Variants in SMYD5 observed in about 807,000 individuals in gnomAD.
SMYD5 encodes SMYD family member 5.
A neutral mutation model predicts 57.4 loss-of-function variants in SMYD5; 35 were observed. The observed-to-expected ratio is 0.61, with a 90% confidence interval of 0.47 to 0.81. SMYD5 has a LOEUF of 0.81. Among genes scored for constraint, SMYD5 ranks in the 30% least tolerant of loss-of-function variants. The pLI is 0.00. For missense variants in SMYD5, 471 were observed against 527.9 expected, an observed-to-expected ratio of 0.89 and a Z score of 1.06; for synonymous variants, 198 against 189.7, an observed-to-expected ratio of 1.04 and a Z score of -0.36.
intron 6 of SMYD5, 114 bp from the exon 7 acceptor site, chr2:73,222,641 T>C: frequency 2.5e-6 from 2 of 791,226 alleles, no homozygotes; most frequent in East Asian, 2.7e-5. Flanking sequence ...TACGGAAAGC[T>C]CAGTCTACAG....
At position 73,214,305 on chromosome 2, in the gene SMYD5, G is replaced by A; in HGVS notation, c.39G>A (p.Val13=). ...ASMCDVFSFC[V]GVAGRARVSV... ...TGTGCGACGTGTTCTCCTTCTGCGT[G>A]GGCGTGGCGGGCCGCGCGCGGGTCT... The change falls in exon 1 of 13, where the codon GTG becomes GTA. Residue 13 remains valine (V), a synonymous_variant. Coordinates refer to ENST00000389501, the MANE Select transcript of SMYD5 (RefSeq NM_006062.3). 1 of 1,613,708 alleles carries A rather than the reference G, an allele frequency of 6.2e-7. No individual in the cohort carries two copies. The highest frequency in any genetic ancestry group is 8.5e-7 in the Non-Finnish European group (1 of 1,179,866).
At chr2:73,221,090 C>A in intron 4 of SMYD5, 75 bp from the exon 5 acceptor site, 1 of 1,302,906 alleles carries the variant, frequency 7.7e-7, no homozygotes, top group Non-Finnish European at 1.1e-6. Context: ...TTCTCTGTAC[C>A]AGTCAGACTC....
At chr2:73,221,789 G>GGT (rs1686401498) in intron 5 of SMYD5, 37 bp from the exon 6 acceptor site, 1 of 1,425,996 alleles carries the variant, frequency 7.0e-7, no homozygotes, top group Admixed American at 1.7e-5. Context: ...TGAGAAGGTG[G>GGT]GTATCTGTGA....
intron 1 of SMYD5, among the ~76,000 whole-genome samples, chr2:73,217,124 G>A (rs1281512659): frequency 6.6e-6 from 1 of 152,012 alleles, no homozygotes; most frequent in Non-Finnish European, 1.5e-5. Context: ...GCTAATTTTT[G>A]TATTTTTAGT....
chr2:73,222,533 A>G (rs944845204), intron 6 of SMYD5, among the ~76,000 whole-genome samples: 1 of 152,210 alleles, frequency 6.6e-6, no homozygotes, highest in African/African-American at 2.4e-5. Flanking sequence ...CAAGTGCTGG[A>G]AAATGGAGAG....
At chr2:73,218,427 T>G (rs1686327894) in intron 1 of SMYD5, among the ~76,000 whole-genome samples, 1 of 152,144 alleles carries the variant, frequency 6.6e-6, no homozygotes, top group South Asian at 2.1e-4. Flanking sequence ...TGGTGTAGGA[T>G]TTCTCTGCAA....
chr2:73,223,419 C>G lies in SMYD5; in HGVS notation c.777-7C>G. 6.2e-7 allele frequency: 1 copy of G among 1,606,104 alleles called. No homozygotes were observed. Among genetic ancestry groups the G allele is most frequent in the Non-Finnish European group, 8.5e-7 (1 of 1,172,788 alleles). On this transcript the variant is annotated splice_polypyrimidine_tract_variant and splice_region_variant and intron_variant, in intron 8 of 12. Coordinates refer to ENST00000389501, the MANE Select transcript of SMYD5 (RefSeq NM_006062.3). ...TCCCCAACCATGGGCTGCCTGGGAC[C>G]CCCCAGCTCCCTAAGCCAGTGGGTC...
At position 73,226,923 on chromosome 2, in the gene SMYD5, C is replaced by T. The variant is rs1472643646; in HGVS notation, c.*977C>T. ...GCTGGGCTAGATACTTCGAGAGTAG[C>T]CCTGTCTTGTCCCCTCCTACCCCCA... On this transcript the variant is annotated 3_prime_UTR_variant, in exon 13 of 13. Coordinates refer to ENST00000389501, the MANE Select transcript of SMYD5 (RefSeq NM_006062.3). 6.5e-6 allele frequency: 1 copy of T among 152,696 alleles called. No homozygotes were observed. The highest frequency in any genetic ancestry group is 6.5e-5 in the Admixed American group (1 of 15,282). The allele number at this position is 152,696 out of a possible 1,614,324, so 9.5% of individuals were successfully genotyped here.
intron 1 of SMYD5, 145 bp from the exon 2 acceptor site, chr2:73,218,716 C>A: frequency 1.6e-6 from 1 of 628,204 alleles, no homozygotes. Context: ...ATGGAGGGTG[C>A]TAACCACTCT....
chr2:73,225,582 G>T (rs1289914410), intron 11 of SMYD5, 49 bp from the exon 12 acceptor site: 3 of 1,552,774 alleles, frequency 1.9e-6, no homozygotes, highest in Admixed American at 3.4e-5. Flanking sequence ...AGGTCCTTAT[G>T]CCATTTAAAA....
intron 2 of SMYD5, among the ~76,000 whole-genome samples, chr2:73,219,276 G>C (rs558467167): frequency 1.5e-4 from 23 of 152,322 alleles, no homozygotes; most frequent in African/African-American, 5.5e-4. Context: ...CCTCCACCAA[G>C]AGGAGGCTAC....
In SMYD5 at chr2:73,221,789, G is replaced by A. The variant is rs1380758385; in HGVS notation, c.538-37G>A. On this transcript the variant is annotated intron_variant, in intron 5 of 12. Transcript: ENST00000389501. Reference sequence around the variant, plus strand: ...GGGCGGGAGTGCCAGTGAGAAGGTGGGTATCTGTGACCCTTAAGTATGTTT... The same window carrying A: ...GGGCGGGAGTGCCAGTGAGAAGGTGAGTATCTGTGACCCTTAAGTATGTTT... 8 of 1,426,114 alleles carry A rather than the reference G, an allele frequency of 5.6e-6. 1 individual carries two copies. The South Asian group carries it at 9.2e-5, about 16-fold the overall frequency. 88.3% of individuals were successfully genotyped at this position (1,426,114 alleles called of 1,614,324 possible).
chr2:73,225,770 C>G, intron 12 of SMYD5, 26 bp from the exon 13 acceptor site: 1 of 1,613,924 alleles, frequency 6.2e-7, no homozygotes, highest in Admixed American at 1.7e-5. Context: ...CTGACTTTTC[C>G]CCCTCACCAT....
At chr2:73,214,487 C>T (rs1421527452) in intron 1 of SMYD5, 125 bp downstream of exon 1, 1 of 1,512,744 alleles carries the variant, frequency 6.6e-7, no homozygotes, top group Admixed American at 2.2e-5. Context: ...CCTGCCCCTG[C>T]TCGCGGCCCG....
chr2:73,219,907 G>A lies in SMYD5; in HGVS notation c.206-144G>A, dbSNP rs759077354. On this transcript the variant is annotated intron_variant, in intron 2 of 12. Coordinates refer to ENST00000389501, the MANE Select transcript of SMYD5 (RefSeq NM_006062.3). ...TTCATTCATCCATTCATCCATGCATGTAATTATTCATTTACTCACTTTCCA... is the reference window on the plus strand; with the variant it reads ...TTCATTCATCCATTCATCCATGCATATAATTATTCATTTACTCACTTTCCA... The A allele has an allele frequency of 7.5e-5, 71 of 951,814 alleles. 1 individual carries two copies. The highest frequency in any genetic ancestry group is 6.2e-4 in the Middle Eastern group (3 of 4,804). 59.0% of individuals were successfully genotyped at this position (951,814 alleles called of 1,614,324 possible).
At position 73,226,146 on chromosome 2, in the gene SMYD5, A is replaced by C; in HGVS notation, c.*200A>C. The C allele has an allele frequency of 1.4e-6, 1 of 696,636 alleles. No individual in the cohort carries two copies. The highest frequency in any genetic ancestry group is 2.3e-6 in the Non-Finnish European group (1 of 429,590). 43.2% of individuals were successfully genotyped at this position (696,636 alleles called of 1,614,324 possible). A position where few individuals can be genotyped will look rare whatever the true frequency, so the allele number is the denominator to read the frequency against. Reference sequence around the variant, plus strand: ...CCTCATGCCCTGGACACTGCTGCTGAGTTGGCTCAGACTCTGCACTGGCAC... The same window carrying C: ...CCTCATGCCCTGGACACTGCTGCTGCGTTGGCTCAGACTCTGCACTGGCAC... On this transcript the variant is annotated 3_prime_UTR_variant, in exon 13 of 13. Coordinates refer to ENST00000389501, the MANE Select transcript of SMYD5 (RefSeq NM_006062.3).
At chr2:73,224,814 G>A (rs1330349968) in intron 10 of SMYD5, 52 bp from the exon 11 acceptor site, 3 of 1,365,142 alleles carry the variant, frequency 2.2e-6, no homozygotes, top group Non-Finnish European at 3.1e-6. Flanking sequence ...CAGAATTGAG[G>A]CTATTATTTT....
In SMYD5 at chr2:73,214,352, G is replaced by T. The variant is rs769169206; in HGVS notation, c.86G>T (p.Ser29Ile). 3.1e-6 allele frequency: 5 copies of T among 1,613,376 alleles called. No homozygotes were observed. The highest frequency in any genetic ancestry group is 1.3e-5 in the African/African-American group (1 of 74,896). Reference sequence around the variant, plus strand: ...GTCTCCGTGGAAGTCCGTTTCGTGAGCAGCGCCAAGGTGAGGTCGGGGCGG... The same window carrying T: ...GTCTCCGTGGAAGTCCGTTTCGTGATCAGCGCCAAGGTGAGGTCGGGGCGG... ...ARVSVEVRFVSSAKGKGLFAT... is the reference protein window; with the variant it reads ...ARVSVEVRFVISAKGKGLFAT... Residue 29 changes from serine (S) to isoleucine (I), a missense_variant, in exon 1 of 13, where the codon AGC (serine) becomes ATC (isoleucine). Physicochemically the swap from Ser to Ile is moderately radical, Grantham distance 142. Coordinates refer to ENST00000389501, the MANE Select transcript of SMYD5 (RefSeq NM_006062.3).
intron 6 of SMYD5, among the ~76,000 whole-genome samples, chr2:73,222,345 G>A (rs2103717749): frequency 6.6e-6 from 1 of 152,350 alleles, no homozygotes; most frequent in South Asian, 2.1e-4. Flanking sequence ...CTTCCCTGCA[G>A]GAGCTGCCTG....
Sources: gnomAD v4.1 joint callset for allele counts (sites outside exome capture counted in the v4.1 genomes callset) on GRCh38, gnomAD v4.1.1 for gene constraint, MANE v1.5 for transcripts, NCBI Gene and HGNC (gene_info 2026-07-23, HGNC 2026-07-21) for gene names.